HPSE2: variants seen among roughly 807,000 people sequenced by gnomAD.
HPSE2 encodes the protein heparanase 2 (inactive).
Under a neutral mutation model 60.5 loss-of-function variants are expected in HPSE2, and 38 were observed. The ratio of observed to expected loss-of-function variants is 0.63; its 90% CI spans 0.48 to 0.82. The LOEUF (loss-of-function observed/expected upper bound fraction) is 0.82, where lower values mean the gene tolerates loss of function less well. Among genes scored for constraint, HPSE2 ranks in the 40% least tolerant of loss-of-function variants. The pLI, the probability that HPSE2 is intolerant of heterozygous loss-of-function variation, is 0.00. For synonymous variants in HPSE2, 295 were observed against 293.2 expected, an observed-to-expected ratio of 1.01 and a Z score of -0.06; for missense variants, 713 against 740.4, an observed-to-expected ratio of 0.96 and a Z score of 0.43.
intron 3 of HPSE2, among the ~76,000 whole-genome samples, chr10:99,099,689 G>A (rs2135633090): frequency 1.3e-5 from 2 of 152,344 alleles, no homozygotes; most frequent in South Asian, 4.1e-4. Flanking sequence ...CAGACAGACT[G>A]CCTCCTCAAG....
At chr10:99,261,326 T>C in the HPSE2 span, among the ~76,000 whole-genome samples, 2 of 152,012 alleles carry the variant, frequency 1.3e-5, no homozygotes, top group African/African-American at 2.4e-5. Flanking sequence ...CTATAATCCT[T>C]CTATCACCTC....
At chr10:98,624,298 G>A (rs1399944913) in intron 7 of HPSE2, among the ~76,000 whole-genome samples, 1 of 152,148 alleles carries the variant, frequency 6.6e-6, no homozygotes, top group South Asian at 2.1e-4. Flanking sequence ...GCGGTCAGAG[G>A]GGGCTCATGT....
chr10:98,650,026 C>T (rs748962991), intron 6 of HPSE2, among the ~76,000 whole-genome samples: 32 of 152,182 alleles, frequency 2.1e-4, no homozygotes, highest in Admixed American at 3.9e-4. Flanking sequence ...AAGCAGCTGC[C>T]CAGGCAGAAC....
chr10:99,183,475 C>G (rs946339567), intron 2 of HPSE2, among the ~76,000 whole-genome samples: 6 of 152,106 alleles, frequency 3.9e-5, no homozygotes, highest in African/African-American at 1.4e-4. Context: ...ATCTTCAGGC[C>G]TCTCAAAAAA....
chr10:99,114,803 A>G (rs1384115026), intron 3 of HPSE2, among the ~76,000 whole-genome samples: 1 of 150,366 alleles, frequency 6.7e-6, no homozygotes, highest in African/African-American at 2.5e-5. Context: ...GGTACCAGCT[A>G]CTCGGGAGGC....
chr10:98,535,227 AC>A (rs1448263491), intron 9 of HPSE2, among the ~76,000 whole-genome samples: 7 of 152,214 alleles, frequency 4.6e-5, no homozygotes, highest in Admixed American at 4.6e-4. Context: ...TTATATAAAA[AC>A]TAGTTTTTCA....
At chr10:98,897,294 C>T (rs375978605) in intron 3 of HPSE2, among the ~76,000 whole-genome samples, 3 of 151,988 alleles carry the variant, frequency 2.0e-5, no homozygotes, top group South Asian at 2.1e-4. Context: ...AGAAGTTATT[C>T]GTGTAACCAA....
intron 2 of HPSE2, among the ~76,000 whole-genome samples, chr10:99,180,701 AT>A (rs1847725926): frequency 6.6e-6 from 1 of 151,960 alleles, no homozygotes; most frequent in South Asian, 2.1e-4. Flanking sequence ...CCTGGGCAAC[AT>A]GGTGAAATCC....
intron 2 of HPSE2, among the ~76,000 whole-genome samples, chr10:99,179,959 C>G (rs1250057132): frequency 6.6e-6 from 1 of 152,126 alleles, no homozygotes; most frequent in Admixed American, 6.6e-5. Context: ...TAATGCCACA[C>G]ATCTACAACC....
the HPSE2 span, among the ~76,000 whole-genome samples, chr10:99,259,580 A>G: frequency 2.0e-5 from 3 of 152,194 alleles, no homozygotes; most frequent in Non-Finnish European, 2.9e-5. Context: ...TAAAGCCACA[A>G]TGAAATGTGG....
At chr10:99,129,438 T>G (rs1337090176) in intron 3 of HPSE2, among the ~76,000 whole-genome samples, 1 of 152,102 alleles carries the variant, frequency 6.6e-6, no homozygotes, top group Non-Finnish European at 1.5e-5. Context: ...AAGTATCCTC[T>G]CAGAACACAG....
chr10:98,848,798 T>G (rs575280916), intron 3 of HPSE2, among the ~76,000 whole-genome samples: 1 of 152,290 alleles, frequency 6.6e-6, no homozygotes, highest in East Asian at 1.9e-4. Context: ...AAGTACCACA[T>G]GCAGGGAAGA....
chr10:99,008,343 T>C (rs1310233487), intron 3 of HPSE2, among the ~76,000 whole-genome samples: 1 of 152,240 alleles, frequency 6.6e-6, no homozygotes, highest in Non-Finnish European at 1.5e-5. Context: ...CTTAATTTAA[T>C]TTAATCCAAA....
At chr10:98,495,232 G>A (rs1362011393) in intron 9 of HPSE2, among the ~76,000 whole-genome samples, 1 of 151,832 alleles carries the variant, frequency 6.6e-6, no homozygotes, top group Non-Finnish European at 1.5e-5. Context: ...GGCCTTCAAA[G>A]TTTCTGATGA....
intron 10 of HPSE2, among the ~76,000 whole-genome samples, chr10:98,488,403 C>A (rs1312889226): frequency 6.6e-6 from 1 of 152,024 alleles, no homozygotes; most frequent in Non-Finnish European, 1.5e-5. Flanking sequence ...TATTAGACAC[C>A]AAGAATACAA....
At chr10:98,902,001 G>T (rs1237957289) in intron 3 of HPSE2, among the ~76,000 whole-genome samples, 3 of 152,090 alleles carry the variant, frequency 2.0e-5, no homozygotes, top group Non-Finnish European at 2.9e-5. Flanking sequence ...ATTCCAGAGT[G>T]CTCAACATCT....
At chr10:99,225,100 T>G (rs1298932323) in intron 2 of HPSE2, among the ~76,000 whole-genome samples, 1 of 152,128 alleles carries the variant, frequency 6.6e-6, no homozygotes, top group Non-Finnish European at 1.5e-5. Flanking sequence ...CATTTTGATT[T>G]CAAAAGGCAG....
chr10:98,797,621 A>G (rs1950806361), intron 3 of HPSE2, among the ~76,000 whole-genome samples: 1 of 152,208 alleles, frequency 6.6e-6, no homozygotes, highest in East Asian at 1.9e-4. Flanking sequence ...AGGCGGGCAG[A>G]TCACGAGATC....
chr10:99,101,200 T>G (rs189081181), intron 3 of HPSE2, among the ~76,000 whole-genome samples: 1,826 of 152,114 alleles, frequency 0.012, 18 homozygotes, highest in Middle Eastern at 0.017. Context: ...TGGCAAACTG[T>G]ATAAAGAGTC....
Sources: allele counts gnomAD v4.1 joint callset (sites outside exome capture counted in the v4.1 genomes callset), GRCh38; gene constraint gnomAD v4.1.1; transcripts MANE v1.5; gene names NCBI Gene and HGNC (gene_info 2026-07-23, HGNC 2026-07-21).